CRIM1: variants seen among roughly 807,000 people sequenced by gnomAD.
CRIM1 encodes the protein cysteine-rich motor neuron 1 protein.
Under a neutral mutation model 116.4 loss-of-function variants are expected in CRIM1, and 32 were observed. The ratio of observed to expected loss-of-function variants is 0.27; its 90% CI spans 0.21 to 0.37. CRIM1 has a LOEUF of 0.37. Among genes scored for constraint, CRIM1 ranks in the 10% least tolerant of loss-of-function variants. The pLI, the probability that CRIM1 is intolerant of heterozygous loss-of-function variation, is 1.00. For missense variants in CRIM1, 1,331 were observed against 1,354.8 expected, an observed-to-expected ratio of 0.98 and a Z score of 0.28; for synonymous variants, 590 against 509.2, an observed-to-expected ratio of 1.16 and a Z score of -2.13.
At chr2:36,528,026 C>A (rs1191622654) in intron 13 of CRIM1, among the ~76,000 whole-genome samples, 1 of 151,906 alleles carries the variant, frequency 6.6e-6, no homozygotes, top group Non-Finnish European at 1.5e-5. Context: ...TAATATTGTC[C>A]TGTGCTTCAC....
intron 7 of CRIM1, among the ~76,000 whole-genome samples, chr2:36,498,953 C>G (rs1229944743): frequency 6.6e-6 from 1 of 152,168 alleles, no homozygotes; most frequent in East Asian, 1.9e-4. Flanking sequence ...TAGTGGTGAC[C>G]ATCAGAGAAG....
intron 1 of CRIM1, among the ~76,000 whole-genome samples, chr2:36,377,104 C>T (rs1286146512): frequency 4.6e-5 from 7 of 152,200 alleles, no homozygotes; most frequent in African/African-American, 1.2e-4. Flanking sequence ...TTGGTCAACC[C>T]CCAGCCCTGC....
At chr2:36,425,879 G>T (rs547907955) in intron 2 of CRIM1, among the ~76,000 whole-genome samples, 1 of 152,312 alleles carries the variant, frequency 6.6e-6, no homozygotes, top group Non-Finnish European at 1.5e-5. Flanking sequence ...AGTTATTTAT[G>T]AAACAGTGAC....
chr2:36,390,175 G>A (rs1671466303), intron 1 of CRIM1, among the ~76,000 whole-genome samples: 3 of 151,902 alleles, frequency 2.0e-5, no homozygotes, highest in Admixed American at 6.6e-5. Context: ...GGAAGTACAG[G>A]TGTTTCCTGC....
At chr2:36,470,449 A>G (rs1244492278) in intron 5 of CRIM1, among the ~76,000 whole-genome samples, 3 of 152,194 alleles carry the variant, frequency 2.0e-5, no homozygotes, top group African/African-American at 7.2e-5. Flanking sequence ...TTCAAAGAAT[A>G]GGCTGATTCT....
rs1383506835 is a variant in CRIM1, at chr2:36,517,356, AG to A, written c.2021del (p.Ser674IlefsTer108). On this transcript the variant is annotated frameshift_variant, in exon 12 of 17. Transcript: ENST00000280527. LOFTEE classifies it high-confidence loss of function. ...CTTTGTGGTGCAGAAGCCAGAGCTCAGTACTCCCTCCATTTGCCACGCCCCT... is the reference window on the plus strand; with the variant it reads ...CTTTGTGGTGCAGAAGCCAGAGCTCATACTCCCTCCATTTGCCACGCCCCT... ...DDFVVQKPEL[S>X]TPSICHAPGG... The A allele has an allele frequency of 6.2e-7, 1 of 1,614,112 alleles. No individual in the cohort carries two copies. Among genetic ancestry groups the A allele is most frequent in the Non-Finnish European group, 8.5e-7 (1 of 1,180,042 alleles).
intron 1 of CRIM1, among the ~76,000 whole-genome samples, chr2:36,391,280 C>T (rs991009227): frequency 6.6e-6 from 1 of 151,702 alleles, no homozygotes; most frequent in Non-Finnish European, 1.5e-5. Context: ...AGGCGCCCGC[C>T]ACCACGCCAG....
intron 2 of CRIM1, 93 bp from the exon 3 acceptor site, chr2:36,441,165 C>G (rs1183135022): frequency 6.6e-7 from 1 of 1,519,456 alleles, no homozygotes; most frequent in Middle Eastern, 1.8e-4. Flanking sequence ...TCCTCTTTGG[C>G]TACTTAAATA....
intron 1 of CRIM1, among the ~76,000 whole-genome samples, chr2:36,383,589 G>T (rs1203208477): frequency 6.6e-6 from 1 of 152,194 alleles, no homozygotes; most frequent in Non-Finnish European, 1.5e-5. Flanking sequence ...GGGGCCTGCT[G>T]TGTGTTCAGC....
chr2:36,511,638 T>C (rs1325186723), intron 9 of CRIM1, among the ~76,000 whole-genome samples: 1 of 152,234 alleles, frequency 6.6e-6, no homozygotes, highest in East Asian at 1.9e-4. Flanking sequence ...TTTGTATTCC[T>C]GTCAGCACAT....
Position 36,522,118 on chromosome 2 carries a change from C to G in CRIM1, c.2233C>G (p.Arg745Gly), listed in dbSNP as rs145721446. 2 of 1,613,998 alleles carry G rather than the reference C, an allele frequency of 1.2e-6. No homozygotes were observed. The highest frequency in any genetic ancestry group is 1.3e-5 in the African/African-American group (1 of 74,912). Residue 745 changes from arginine to glycine, a missense_variant, in exon 13 of 17, where the codon CGC becomes GGC. Around this residue, in one of 3 missense-constraint regions of CRIM1, gnomAD observed 358 missense variants for 436.1 expected, o/e 0.82. Transcript: ENST00000280527. The part of the protein sequence containing the change: ...TDQPFRPSLS[R>G]NNSVPNYCKN... ...TCAACCTTTTCGGCCTTCCTTGTCC[C>G]GCAATAACAGCGTACCTAATTACTG...
intron 3 of CRIM1, 54 bp downstream of exon 3, chr2:36,441,554 G>A: frequency 6.3e-7 from 1 of 1,588,230 alleles, no homozygotes; most frequent in Non-Finnish European, 8.5e-7. Flanking sequence ...GAGGGTAGCA[G>A]ATCCCTCCTC....
chr2:36,505,919 CT>C (rs1681361425), intron 8 of CRIM1, among the ~76,000 whole-genome samples: 1 of 152,166 alleles, frequency 6.6e-6, no homozygotes, highest in African/African-American at 2.4e-5. Context: ...TCACTGAACG[CT>C]GTTGTCCTGC....
chr2:36,440,366 T>C (rs1233527813), intron 2 of CRIM1, among the ~76,000 whole-genome samples: 2 of 152,354 alleles, frequency 1.3e-5, no homozygotes, highest in East Asian at 3.9e-4. Flanking sequence ...TAATGTCTCC[T>C]GAACTCCCCA....
intron 1 of CRIM1, among the ~76,000 whole-genome samples, chr2:36,387,591 G>T (rs940503386): frequency 2.6e-5 from 4 of 152,200 alleles, no homozygotes; most frequent in Admixed American, 2.6e-4. Flanking sequence ...TAAGGTCTGT[G>T]CCACAAAGTG....
chr2:36,441,930 C>T (rs573252039), intron 3 of CRIM1, among the ~76,000 whole-genome samples: 1 of 152,172 alleles, frequency 6.6e-6, no homozygotes. Context: ...TGAATACATG[C>T]ATCAAAACGC....
chr2:36,380,213 C>G (rs1448535711), intron 1 of CRIM1, among the ~76,000 whole-genome samples: 2 of 152,214 alleles, frequency 1.3e-5, no homozygotes, highest in Non-Finnish European at 2.9e-5. Flanking sequence ...CTCCACAAGA[C>G]CAGGCTGAAG....
intron 13 of CRIM1, chr2:36,529,039 C>T (rs889466931): frequency 5.2e-5 from 24 of 463,534 alleles, no homozygotes; most frequent in Non-Finnish European, 8.1e-5. Context: ...AGGTGTGCTC[C>T]GCTCCAGCCC....
intron 13 of CRIM1, among the ~76,000 whole-genome samples, chr2:36,526,295 A>T (rs1418590537): frequency 6.6e-6 from 1 of 152,346 alleles, no homozygotes; most frequent in East Asian, 1.9e-4. Context: ...AAAGTTGACA[A>T]GTATGACGCA....
Sources: allele counts gnomAD v4.1 joint callset (sites outside exome capture counted in the v4.1 genomes callset), GRCh38; gene constraint gnomAD v4.1.1; regional missense constraint gnomAD v4.1.1; transcripts MANE v1.5; gene names NCBI Gene and HGNC (gene_info 2026-07-23, HGNC 2026-07-21).